LRRC74A: variants seen among roughly 807,000 people sequenced by gnomAD.
LRRC74A encodes the protein leucine rich repeat containing 74A.
Under a neutral mutation model 57.9 loss-of-function variants are expected in LRRC74A, and 44 were observed. The observed-to-expected ratio is 0.76, with a 90% CI of 0.60 to 0.98. LRRC74A has a LOEUF of 0.98. LRRC74A is among the 50% of genes least tolerant of loss of function. The pLI is 0.00. For synonymous variants in LRRC74A, 211 were observed against 219.4 expected, an observed-to-expected ratio of 0.96 and a Z score of 0.34; for missense variants, 572 against 574.0, an observed-to-expected ratio of 1.00 and a Z score of 0.04.
chr14:76,844,306 A>G, intron 5 of LRRC74A, 117 bp from the exon 6 acceptor site: 1 of 957,636 alleles, frequency 1.0e-6, no homozygotes, highest in South Asian at 1.5e-5. Context: ...TCTGGCCCCT[A>G]CCACCTTTTT....
chr14:76,850,592 T>C (rs1260555339), intron 7 of LRRC74A, among the ~76,000 whole-genome samples: 1 of 151,854 alleles, frequency 6.6e-6, no homozygotes, highest in Non-Finnish European at 1.5e-5. Context: ...AATAGGCCCG[T>C]GCAGTGGCTC....
At chr14:76,853,154 CT>C in intron 8 of LRRC74A, 61 bp from the exon 9 acceptor site, 3 of 1,492,458 alleles carry the variant, frequency 2.0e-6, no homozygotes, top group Non-Finnish European at 1.9e-6. Context: ...AATCGGGACC[CT>C]TTTGGTTGGA....
chr14:76,864,104 C>G (rs979111054), intron 11 of LRRC74A, among the ~76,000 whole-genome samples: 4 of 152,174 alleles, frequency 2.6e-5, no homozygotes, highest in Admixed American at 2.6e-4. Context: ...CGAGGGCTCA[C>G]CCATGGCATC....
chr14:76,860,338 A>C (rs1223926680), intron 10 of LRRC74A, among the ~76,000 whole-genome samples: 1 of 152,006 alleles, frequency 6.6e-6, no homozygotes, highest in Non-Finnish European at 1.5e-5. Flanking sequence ...GACAAACAAC[A>C]CTCACGCAGA....
In LRRC74A at chr14:76,867,413, G is replaced by A; in HGVS notation, c.1366G>A (p.Glu456Lys). 5 of 1,600,458 alleles carry A rather than the reference G, an allele frequency of 3.1e-6. No individual in the cohort carries two copies. The highest frequency in any genetic ancestry group is 4.3e-6 in the Non-Finnish European group (5 of 1,168,708). The stretch of plus-strand genomic sequence containing the variant: ...CAGGGAGGTGATAAAGAAGCTCGAT[G>A]AGAAGACAGGCATGGTGAACTTCAG... ...QVREVIKKLDEKTGMVNFSFL... is the reference protein window; with the variant it reads ...QVREVIKKLDKKTGMVNFSFL... The change falls in exon 13 of 14, where the codon GAG becomes AAG. Residue 456 changes from glutamate to lysine, a missense_variant. By Grantham distance (56) the Glu-to-Lys change is moderately conservative (BLOSUM62 1). Transcript: ENST00000689127.
At position 76,860,701 on chromosome 14, in the gene LRRC74A, G is replaced by T; in HGVS notation, c.1062G>T (p.Leu354=). Residue 354 remains leucine, a synonymous_variant, in exon 11 of 14, where the codon CTG becomes CTT. Coordinates refer to ENST00000689127, the MANE Select transcript of LRRC74A (RefSeq NM_001385106.1). ...RMEELDISNV[L]VSEQFMKTLD... is the part of the protein sequence containing the mutation. Reference sequence around the variant, plus strand: ...CTCTCTCCCTGTCACAGAACGTGCTGGTGTCCGAGCAGTTCATGAAAACGT... The same window carrying T: ...CTCTCTCCCTGTCACAGAACGTGCTTGTGTCCGAGCAGTTCATGAAAACGT... The T allele has an allele frequency of 6.2e-7, 1 of 1,608,888 alleles. No homozygotes were observed. The highest frequency in any genetic ancestry group is 8.5e-7 in the Non-Finnish European group (1 of 1,177,164).
At chr14:76,862,732 G>A (rs536506940) in intron 11 of LRRC74A, among the ~76,000 whole-genome samples, 2 of 152,078 alleles carry the variant, frequency 1.3e-5, no homozygotes, top group South Asian at 2.1e-4. Context: ...AGGGTGTTCC[G>A]GCGAGAGGCT....
At position 76,869,816 on chromosome 14, in the gene LRRC74A, G is replaced by C. The variant is rs563788156; in HGVS notation, c.1392-309G>C. On this transcript the variant is annotated intron_variant, in intron 13 of 13. Transcript: ENST00000689127. The stretch of plus-strand genomic sequence containing the variant: ...TCTAAACCCACAGAAGTATAGCAAG[G>C]AAAAAAAATGAAGGTCCATTTTTAT... 2.0e-5 allele frequency among the ~76,000 whole-genome samples: 3 copies of C among 151,018 alleles called. No individual in the cohort carries two copies. In the South Asian group the frequency reaches 6.3e-4, roughly 32 times the overall value.
chr14:76,860,856 C>T lies in LRRC74A; in HGVS notation c.1200+17C>T, dbSNP rs1325505956. On this transcript the variant is annotated intron_variant, in intron 11 of 13. Transcript: ENST00000689127. The stretch of plus-strand genomic sequence containing the variant: ...CTGATCCAGGTGAGCTCCTGCCTTC[C>T]TCTCAGGGCCTCCAGGGAGCCCTGG... The T allele has an allele frequency of 1.3e-6, 2 of 1,573,140 alleles. No individual in the cohort carries two copies. Among genetic ancestry groups the T allele is most frequent in the Non-Finnish European group, 1.7e-6 (2 of 1,155,348 alleles).
chr14:76,845,025 C>T (rs145466487), intron 7 of LRRC74A, 124 bp downstream of exon 7: 24 of 626,280 alleles, frequency 3.8e-5, no homozygotes, highest in Middle Eastern at 2.6e-4. Flanking sequence ...TGTAAACATG[C>T]CCAAAATACA....
intron 7 of LRRC74A, among the ~76,000 whole-genome samples, chr14:76,847,448 C>T (rs1028968280): frequency 6.6e-6 from 1 of 151,952 alleles, no homozygotes; most frequent in South Asian, 2.1e-4. Context: ...AAGAGAAAAC[C>T]GAATACCACC....
chr14:76,855,496 GT>G (rs1897815365), intron 9 of LRRC74A, among the ~76,000 whole-genome samples: 1 of 152,200 alleles, frequency 6.6e-6, no homozygotes, highest in Non-Finnish European at 1.5e-5. Flanking sequence ...TTTCTAAAAT[GT>G]TTTAGAAGTA....
intron 3 of LRRC74A, among the ~76,000 whole-genome samples, chr14:76,832,992 C>A (rs1896073417): frequency 6.6e-6 from 1 of 152,132 alleles, no homozygotes; most frequent in Admixed American, 6.5e-5. Flanking sequence ...CTCCCTTCTT[C>A]CCTGATCAAT....
chr14:76,834,431 A>G (rs2056856), intron 3 of LRRC74A, among the ~76,000 whole-genome samples: 100,103 of 152,036 alleles, frequency 0.66, 33,719 homozygotes, highest in Non-Finnish European at 0.74. Flanking sequence ...ATTAATCATC[A>G]TGACATTCTG....
intron 9 of LRRC74A, among the ~76,000 whole-genome samples, chr14:76,854,914 C>T (rs1198497794): frequency 6.6e-6 from 1 of 152,082 alleles, no homozygotes; most frequent in Non-Finnish European, 1.5e-5. Context: ...CTCTGTTAGC[C>T]CCACTTGTCA....
chr14:76,842,162 C>A (rs905117116), intron 5 of LRRC74A, among the ~76,000 whole-genome samples: 2 of 152,126 alleles, frequency 1.3e-5, no homozygotes, highest in African/African-American at 4.8e-5. Flanking sequence ...TGGTCATTAC[C>A]GGTGTGTCTG....
intron 7 of LRRC74A, among the ~76,000 whole-genome samples, chr14:76,849,763 A>G (rs1162071565): frequency 5.3e-5 from 8 of 149,714 alleles, no homozygotes; most frequent in African/African-American, 1.7e-4. Context: ...ACATCGTGCC[A>G]CTGCACTCCA....
Position 76,860,807 on chromosome 14 carries a change from T to G in LRRC74A, c.1168T>G (p.Phe390Val), listed in dbSNP as rs1424440364. The G allele has an allele frequency of 6.2e-7, 1 of 1,611,326 alleles. No individual in the cohort carries two copies. Among genetic ancestry groups the G allele is most frequent in the South Asian group, 1.1e-5 (1 of 90,696 alleles). The stretch of plus-strand genomic sequence containing the variant: ...AGGCCTCTCTCCCAAGAAAACCATC[T>G]TCTTGTTGACAAACCCCATGAAACT... ...VQGLSPKKTI[F>V]LLTNPMKLIQ... Residue 390 changes from phenylalanine to valine, a missense_variant, in exon 11 of 14, where the codon TTC becomes GTC. By Grantham distance (50) the Phe-to-Val change is conservative (BLOSUM62 -1). Transcript: ENST00000689127.
chr14:76,830,417 C>G (rs969502051), intron 2 of LRRC74A, among the ~76,000 whole-genome samples: 2 of 152,214 alleles, frequency 1.3e-5, no homozygotes, highest in African/African-American at 4.8e-5. Context: ...GCCAGGCTGG[C>G]CTAAAGCCTA....
Sources: gnomAD v4.1 joint callset for allele counts (sites outside exome capture counted in the v4.1 genomes callset) on GRCh38, gnomAD v4.1.1 for gene constraint, MANE v1.5 for transcripts, NCBI Gene and HGNC (gene_info 2026-07-23, HGNC 2026-07-21) for gene names.